The following TIAM1 variants were observed in gnomAD, a reference collection of about 807,000 sequenced individuals.
TIAM1 encodes TIAM Rac1 associated GEF 1.
Under a neutral mutation model 163.5 loss-of-function variants are expected in TIAM1, and 65 were observed. The ratio of observed to expected loss-of-function variants is 0.40; its 90% CI spans 0.33 to 0.49. TIAM1 has a LOEUF of 0.49. TIAM1 is among the 20% of genes least tolerant of loss of function. TIAM1 has a pLI of 0.77. For missense variants in TIAM1, 1,789 were observed against 2,044.7 expected (o/e 0.87, Z 2.41); for synonymous variants, 833 against 810.1 (o/e 1.03, Z -0.48).
chr21:31,290,491 A>G (rs1308980205), intron 2 of TIAM1, among the ~76,000 whole-genome samples: 1 of 151,764 alleles, frequency 6.6e-6, no homozygotes, highest in Non-Finnish European at 1.5e-5. Flanking sequence ...AAAAAAATAT[A>G]TAAAAATTAT....
intron 2 of TIAM1, among the ~76,000 whole-genome samples, chr21:31,410,981 C>T (rs2077348566): frequency 2.0e-5 from 3 of 152,276 alleles, no homozygotes; most frequent in South Asian, 4.1e-4. Flanking sequence ...TTCCATGTTA[C>T]ATCACGGCCA....
At chr21:31,365,428 G>T (rs867983481) in intron 2 of TIAM1, among the ~76,000 whole-genome samples, 1 of 132,264 alleles carries the variant, frequency 7.6e-6, no homozygotes, top group Non-Finnish European at 1.5e-5. Flanking sequence ...TCGCTCTGTC[G>T]CCCAGGCTGG....
chr21:31,501,586 T>TTTTGTTTG (rs61313235), intron 1 of TIAM1, among the ~76,000 whole-genome samples: 2,204 of 150,726 alleles, frequency 0.015, 43 homozygotes, highest in African/African-American at 0.049. Flanking sequence ...ATGAAGTGGT[T>TTTTGTTTG]TTTGTTTGTT....
chr21:31,284,685 A>AT (rs988621588), intron 2 of TIAM1, among the ~76,000 whole-genome samples: 54 of 151,074 alleles, frequency 3.6e-4, no homozygotes, highest in African/African-American at 4.9e-4. Context: ...CACCCGGCTA[A>AT]TTTTTTTTTG....
chr21:31,152,636 C>CT lies in TIAM1; in HGVS notation c.3365dup (p.Lys1123GlufsTer15). On this transcript the variant is annotated frameshift_variant and splice_region_variant, in exon 19 of 28. Coordinates refer to ENST00000541036, the MANE Select transcript of TIAM1 (RefSeq NM_001353694.2). LOFTEE classifies it high-confidence loss of function. ...CTGGAGGCAGCTTTGCACTATTTAC[C>CT]TTAAATTGATCAACCTTCTCAAGCT... The CT allele has an allele frequency of 6.2e-7, 1 of 1,614,102 alleles. No individual in the cohort carries two copies. The highest frequency in any genetic ancestry group is 2.2e-5 in the East Asian group (1 of 44,872).
At chr21:31,136,565 T>C (rs1342407429) in intron 22 of TIAM1, among the ~76,000 whole-genome samples, 4 of 152,154 alleles carry the variant, frequency 2.6e-5, no homozygotes, top group Admixed American at 6.5e-5. Context: ...AAGAAACACA[T>C]GGAATACAGG....
intron 2 of TIAM1, among the ~76,000 whole-genome samples, chr21:31,457,971 T>C (rs930978128): frequency 1.3e-5 from 2 of 152,150 alleles, no homozygotes; most frequent in Non-Finnish European, 1.5e-5. Context: ...GTTCAGAAAC[T>C]GAGAGATCCT....
At chr21:31,389,141 A>G (rs1055206298) in intron 2 of TIAM1, among the ~76,000 whole-genome samples, 1 of 152,226 alleles carries the variant, frequency 6.6e-6, no homozygotes, top group African/African-American at 2.4e-5. Context: ...TTTGAATTTC[A>G]TATAACTTTC....
At chr21:31,444,830 C>G (rs1049404735) in intron 2 of TIAM1, among the ~76,000 whole-genome samples, 1 of 152,146 alleles carries the variant, frequency 6.6e-6, no homozygotes, top group South Asian at 2.1e-4. Context: ...GAAACCCCAT[C>G]TATACTAAAA....
At chr21:31,445,705 A>G (rs978271635) in intron 2 of TIAM1, among the ~76,000 whole-genome samples, 14 of 152,188 alleles carry the variant, frequency 9.2e-5, no homozygotes, top group Non-Finnish European at 7.3e-5. Context: ...GTAAAATTCA[A>G]GAGTTTATTC....
intron 1 of TIAM1, among the ~76,000 whole-genome samples, chr21:31,525,625 C>T (rs182248561): frequency 2.6e-4 from 40 of 152,278 alleles, no homozygotes; most frequent in Non-Finnish European, 1.0e-4. Flanking sequence ...AGTCACACTG[C>T]TAGCAGGGCC....
At chr21:31,445,326 C>G (rs1211859157) in intron 2 of TIAM1, among the ~76,000 whole-genome samples, 2 of 152,114 alleles carry the variant, frequency 1.3e-5, no homozygotes, top group Non-Finnish European at 2.9e-5. Flanking sequence ...CTAAGACCAG[C>G]CTCACTCTGT....
At chr21:31,301,764 C>T (rs901970750) in intron 2 of TIAM1, among the ~76,000 whole-genome samples, 5 of 151,882 alleles carry the variant, frequency 3.3e-5, no homozygotes, top group African/African-American at 1.2e-4. Flanking sequence ...TGCTTGAACC[C>T]AGGAGGCAGA....
chr21:31,319,779 C>CAAAAAA (rs34265205), intron 2 of TIAM1, among the ~76,000 whole-genome samples: 2 of 101,358 alleles, frequency 2.0e-5, no homozygotes, highest in African/African-American at 7.6e-5. Flanking sequence ...GACTCTATCT[C>CAAAAAA]AAAAAAAAAA....
chr21:31,507,463 T>A (rs2047072295), intron 1 of TIAM1, among the ~76,000 whole-genome samples: 1 of 151,986 alleles, frequency 6.6e-6, no homozygotes, highest in African/African-American at 2.4e-5. Flanking sequence ...CACCTCAGCC[T>A]CTCAAAGTGC....
chr21:31,468,991 G>A (rs1485714309), intron 1 of TIAM1, among the ~76,000 whole-genome samples: 1 of 151,646 alleles, frequency 6.6e-6, no homozygotes, highest in Non-Finnish European at 1.5e-5. Context: ...GCACCTGGAG[G>A]TCTCTCGATC....
At chr21:31,413,229 T>G (rs1351564370) in intron 2 of TIAM1, among the ~76,000 whole-genome samples, 1 of 151,974 alleles carries the variant, frequency 6.6e-6, no homozygotes, top group Non-Finnish European at 1.5e-5. Flanking sequence ...TGTCTTCCTC[T>G]TTCTGCGTAT....
At chr21:31,477,892 T>A (rs1255031569) in intron 1 of TIAM1, among the ~76,000 whole-genome samples, 1 of 152,218 alleles carries the variant, frequency 6.6e-6, no homozygotes, top group East Asian at 1.9e-4. Context: ...CCCAGGCAGC[T>A]GAGAGCCTCA....
At chr21:31,455,408 T>A in intron 2 of TIAM1, among the ~76,000 whole-genome samples, 1 of 142,172 alleles carries the variant, frequency 7.0e-6, no homozygotes, top group Non-Finnish European at 1.5e-5. Context: ...CAAAATAATT[T>A]AATTTTAATT....
Sources: gnomAD v4.1 joint callset for allele counts (sites outside exome capture counted in the v4.1 genomes callset) on GRCh38, gnomAD v4.1.1 for gene constraint, MANE v1.5 for transcripts, NCBI Gene and HGNC (gene_info 2026-07-23, HGNC 2026-07-21) for gene names.